GABRA5: variants seen among roughly 807,000 people sequenced by gnomAD.
GABRA5 encodes the protein gamma-aminobutyric acid type A receptor subunit alpha5, also known as gamma-aminobutyric acid receptor subunit alpha-5.
A neutral mutation model predicts 47.3 loss-of-function variants in GABRA5; 18 were observed. That is an observed-to-expected ratio of 0.38 (90% CI 0.26 to 0.56). GABRA5 has a LOEUF of 0.56. GABRA5 is among the 20% of genes least tolerant of loss of function. The pLI is 0.71. For missense variants in GABRA5, 365 were observed against 599.3 expected (o/e 0.61, Z 4.08); for synonymous variants, 237 against 229.3 (o/e 1.03, Z -0.30).
intron 6 of GABRA5, among the ~76,000 whole-genome samples, chr15:26,896,048 C>G (rs142783725): frequency 5.3e-5 from 8 of 152,156 alleles, no homozygotes; most frequent in African/African-American, 1.9e-4. Flanking sequence ...TTATCAGTGC[C>G]CATTGCTCCC....
At chr15:26,947,908 C>G in intron 10 of GABRA5, 26 bp from the exon 11 acceptor site, 1 of 1,549,434 alleles carries the variant, frequency 6.5e-7, no homozygotes, top group Non-Finnish European at 8.7e-7. Flanking sequence ...AATGGCGTGT[C>G]CTTACATTCG....
At chr15:26,869,723 A>G (rs1892416514) in intron 3 of GABRA5, among the ~76,000 whole-genome samples, 1 of 152,236 alleles carries the variant, frequency 6.6e-6, no homozygotes, top group Non-Finnish European at 1.5e-5. Context: ...CCACGGTTCC[A>G]TTATGCAATC....
chr15:26,920,729 C>A (rs1337823376), intron 7 of GABRA5, among the ~76,000 whole-genome samples: 1 of 152,166 alleles, frequency 6.6e-6, no homozygotes, highest in Non-Finnish European at 1.5e-5. Flanking sequence ...CAGGGAAAGA[C>A]CTTCACCAGT....
intron 6 of GABRA5, among the ~76,000 whole-genome samples, chr15:26,885,636 C>G (rs1892859749): frequency 6.6e-6 from 1 of 152,160 alleles, no homozygotes; most frequent in Non-Finnish European, 1.5e-5. Flanking sequence ...GCATCAGTGT[C>G]CTTGGACATT....
intron 6 of GABRA5, among the ~76,000 whole-genome samples, chr15:26,895,856 A>G (rs1893178720): frequency 6.6e-6 from 1 of 150,774 alleles, no homozygotes; most frequent in Non-Finnish European, 1.5e-5. Flanking sequence ...AAAAGAAAAT[A>G]TAAGTGAAAA....
intron 6 of GABRA5, among the ~76,000 whole-genome samples, chr15:26,885,013 A>T (rs2140258692): frequency 6.6e-6 from 1 of 152,176 alleles, no homozygotes; most frequent in Middle Eastern, 3.4e-3. Context: ...GTAGTGACTC[A>T]GGGCCAGGCA....
chr15:26,938,310 G>A (rs1468242643), intron 8 of GABRA5, among the ~76,000 whole-genome samples: 2 of 152,186 alleles, frequency 1.3e-5, no homozygotes, highest in African/African-American at 2.4e-5. Context: ...GGAACCGGCC[G>A]GTTTTATGCA....
chr15:26,942,967 C>T (rs755419948), intron 9 of GABRA5, among the ~76,000 whole-genome samples: 3 of 152,102 alleles, frequency 2.0e-5, no homozygotes, highest in Non-Finnish European at 4.4e-5. Flanking sequence ...GCCTGTAATC[C>T]CAGCTACTCA....
chr15:26,946,514 T>C (rs1001865016), intron 10 of GABRA5, among the ~76,000 whole-genome samples: 1 of 152,028 alleles, frequency 6.6e-6, no homozygotes, highest in Admixed American at 6.6e-5. Flanking sequence ...ATGCATGTCA[T>C]TATAACTAGA....
At chr15:26,892,059 C>T (rs573048225) in intron 6 of GABRA5, among the ~76,000 whole-genome samples, 1 of 152,354 alleles carries the variant, frequency 6.6e-6, no homozygotes, top group African/African-American at 2.4e-5. Context: ...CATGTTTACC[C>T]TGAGAATAGT....
In GABRA5 at chr15:26,883,654, A is replaced by G; in HGVS notation, c.497+97A>G. The G allele has an allele frequency of 1.0e-6, 1 of 1,004,860 alleles. No homozygotes were observed. The highest frequency in any genetic ancestry group is 1.7e-5 in the South Asian group (1 of 59,154). 62.2% of individuals were successfully genotyped at this position (1,004,860 alleles called of 1,614,324 possible). On this transcript the variant is annotated intron_variant, in intron 6 of 10. Coordinates refer to ENST00000335625, the MANE Select transcript of GABRA5 (RefSeq NM_000810.4). This position sits in a 1 kb window ranked among gnomAD's most constrained non-coding sequence, Gnocchi z 4.8. ...AGAGCTGCGCCGCGGAGCTGTTCTGACCATAGGTCTGAGACTGCGGCGCGT... is the reference window on the plus strand; with the variant it reads ...AGAGCTGCGCCGCGGAGCTGTTCTGGCCATAGGTCTGAGACTGCGGCGCGT...
chr15:26,896,126 C>T (rs1893188503), intron 6 of GABRA5, among the ~76,000 whole-genome samples: 1 of 152,086 alleles, frequency 6.6e-6, no homozygotes, highest in African/African-American at 2.4e-5. Context: ...ACAGAGTCTT[C>T]GATGATTTGG....
At chr15:26,912,786 T>C (rs1434737378) in intron 6 of GABRA5, among the ~76,000 whole-genome samples, 4 of 152,178 alleles carry the variant, frequency 2.6e-5, no homozygotes, top group East Asian at 1.9e-4. Context: ...TATATGTACA[T>C]GTAGAAAAAC....
chr15:26,930,907 T>G (rs1894089513), intron 7 of GABRA5, among the ~76,000 whole-genome samples: 3 of 146,658 alleles, frequency 2.0e-5, no homozygotes, highest in Admixed American at 1.3e-4. Flanking sequence ...TTTTTTTTTT[T>G]TTTTTTGAGA....
At chr15:26,939,270 A>T (rs560744216) in intron 8 of GABRA5, 15 of 765,314 alleles carry the variant, frequency 2.0e-5, no homozygotes, top group South Asian at 1.9e-4. Context: ...ATTCTCAGCA[A>T]TGAATGGGAG....
intron 6 of GABRA5, among the ~76,000 whole-genome samples, chr15:26,904,724 T>C (rs543554389): frequency 6.6e-6 from 1 of 152,214 alleles, no homozygotes; most frequent in East Asian, 1.9e-4. Context: ...CTTTTTGTGG[T>C]AATCATGAAT....
chr15:26,870,327 T>C (rs893794282), intron 3 of GABRA5, among the ~76,000 whole-genome samples: 1 of 152,202 alleles, frequency 6.6e-6, no homozygotes, highest in African/African-American at 2.4e-5. Context: ...CTGACTCTTC[T>C]GTGCAGAGGA....
intron 7 of GABRA5, among the ~76,000 whole-genome samples, chr15:26,916,997 A>G (rs1269648069): frequency 6.6e-6 from 1 of 152,088 alleles, no homozygotes; most frequent in Non-Finnish European, 1.5e-5. Flanking sequence ...TCTGTATGTA[A>G]GATGATGTCA....
intron 8 of GABRA5, chr15:26,939,128 T>G (rs1894320567): frequency 2.8e-6 from 2 of 708,910 alleles, no homozygotes; most frequent in East Asian, 4.9e-5. Flanking sequence ...CCTCCACCCC[T>G]CAAAGAACAC....
Sources: gnomAD v4.1 joint callset for allele counts (sites outside exome capture counted in the v4.1 genomes callset) on GRCh38, gnomAD v4.1.1 for gene constraint, Gnocchi (gnomAD v3.1) non-coding constraint, MANE v1.5 for transcripts, NCBI Gene and HGNC (gene_info 2026-07-23, HGNC 2026-07-21) for gene names.